SLC9D1: variants seen among roughly 807,000 people sequenced by gnomAD.
The protein encoded by SLC9D1 is solute carrier family 9 member D1, also known as putative LAG1-interacting protein.
At chr13:113,528,002 T>C in the SLC9D1 span, 1 of 152,248 alleles carries the variant, frequency 6.6e-6, no homozygotes, top group African/African-American at 2.4e-5. Context: ...CACTTACTTC[T>C]TTTATGTAGC....
At chr13:113,549,392 C>A in the SLC9D1 span, 30 of 1,610,082 alleles carry the variant, frequency 1.9e-5, no homozygotes, top group Middle Eastern at 2.0e-4. Flanking sequence ...TCCTGACAGT[C>A]TCTGTGACCC....
At chr13:113,509,892 C>T in the SLC9D1 span, among the ~76,000 whole-genome samples, 6 of 152,190 alleles carry the variant, frequency 3.9e-5, no homozygotes, top group Admixed American at 3.3e-4. Context: ...TTACTGGCCA[C>T]GTGACCTTGG....
the SLC9D1 span, chr13:113,548,437 C>A: frequency 6.2e-7 from 1 of 1,610,030 alleles, no homozygotes; most frequent in Non-Finnish European, 8.5e-7. Flanking sequence ...GAAGAGCGGG[C>A]GTCATCTCTC....
the SLC9D1 span, among the ~76,000 whole-genome samples, chr13:113,544,987 G>A: frequency 6.6e-6 from 1 of 152,238 alleles, no homozygotes; most frequent in Non-Finnish European, 1.5e-5. Flanking sequence ...GTCAGTCATT[G>A]GGTGTGTCTT....
chr13:113,507,645 A>C, the SLC9D1 span, among the ~76,000 whole-genome samples: 13 of 152,314 alleles, frequency 8.5e-5, no homozygotes, highest in East Asian at 2.5e-3. Flanking sequence ...CCTGACTTCA[A>C]CTGTTCCTTA....
the SLC9D1 span, chr13:113,548,406 T>C: frequency 6.2e-7 from 1 of 1,613,094 alleles, no homozygotes; most frequent in Non-Finnish European, 8.5e-7. Context: ...GAGTTTTCCT[T>C]TGTCCTGGGG....
the SLC9D1 span, chr13:113,510,287 T>C: frequency 6.2e-7 from 1 of 1,614,232 alleles, no homozygotes; most frequent in Admixed American, 1.7e-5. Context: ...CTGTTAATGA[T>C]TGCATTTGGC....
chr13:113,500,659 G>A, the SLC9D1 span, among the ~76,000 whole-genome samples: 3 of 152,284 alleles, frequency 2.0e-5, no homozygotes, highest in Non-Finnish European at 4.4e-5. Context: ...ATCATGGTTC[G>A]GGTGGTCACT....
the SLC9D1 span, among the ~76,000 whole-genome samples, chr13:113,494,516 T>TCAGAAAG: frequency 6.6e-6 from 1 of 152,120 alleles, no homozygotes; most frequent in Non-Finnish European, 1.5e-5. Flanking sequence ...GCAGTAATGT[T>TCAGAAAG]CAGAAAGCAG....
chr13:113,491,399 C>A, the SLC9D1 span: 3 of 149,964 alleles, frequency 2.0e-5, no homozygotes, highest in African/African-American at 7.4e-5. Flanking sequence ...TCCCAAGGGT[C>A]CCCTTCCTTC....
At chr13:113,547,517 C>A in the SLC9D1 span, 1 of 664,476 alleles carries the variant, frequency 1.5e-6, no homozygotes, top group Non-Finnish European at 2.7e-6. Context: ...GCCCACTGGG[C>A]CACTGGACCC....
At chr13:113,515,764 G>T in the SLC9D1 span, among the ~76,000 whole-genome samples, 1 of 151,622 alleles carries the variant, frequency 6.6e-6, no homozygotes, top group Non-Finnish European at 1.5e-5. Context: ...GGTGGCGGGC[G>T]CCTGTAGTCC....
the SLC9D1 span, chr13:113,550,186 C>A: frequency 6.6e-6 from 1 of 152,286 alleles, no homozygotes; most frequent in East Asian, 1.9e-4. Context: ...AATTTATGAT[C>A]ATGGTATAAT....
the SLC9D1 span, among the ~76,000 whole-genome samples, chr13:113,518,985 T>G: frequency 6.6e-6 from 1 of 152,218 alleles, no homozygotes; most frequent in African/African-American, 2.4e-5. Context: ...GTTCTGCTGT[T>G]TTTTTAAAAT....
At chr13:113,507,116 G>C in the SLC9D1 span, among the ~76,000 whole-genome samples, 1 of 152,048 alleles carries the variant, frequency 6.6e-6, no homozygotes, top group Non-Finnish European at 1.5e-5. Context: ...TGTCTGGGAT[G>C]TGCGGGTGTC....
the SLC9D1 span, chr13:113,510,328 C>G: frequency 6.2e-7 from 1 of 1,614,080 alleles, no homozygotes; most frequent in Non-Finnish European, 8.5e-7. Flanking sequence ...GCGGATCAAA[C>G]CCACGCAGAG....
the SLC9D1 span, chr13:113,503,534 G>GT: frequency 3.1e-6 from 5 of 1,613,814 alleles, no homozygotes; most frequent in South Asian, 1.1e-5. Flanking sequence ...AATTTGGGGT[G>GT]TTTTTTACTC....
the SLC9D1 span, among the ~76,000 whole-genome samples, chr13:113,537,911 A>C: frequency 6.6e-6 from 1 of 151,714 alleles, no homozygotes; most frequent in African/African-American, 2.4e-5. Context: ...GTGCATGTGC[A>C]TGTGTGTGTT....
chr13:113,514,023 A>G, the SLC9D1 span, among the ~76,000 whole-genome samples: 1 of 152,230 alleles, frequency 6.6e-6, no homozygotes, highest in East Asian at 1.9e-4. Context: ...GGAATTAGCT[A>G]TCCAACGTAA....
Sources: gnomAD v4.1 joint callset for allele counts (sites outside exome capture counted in the v4.1 genomes callset) on GRCh38, gnomAD v4.1.1 for gene constraint, MANE v1.5 for transcripts, NCBI Gene and HGNC (gene_info 2026-07-23, HGNC 2026-07-21) for gene names.